HDAC9: variants seen among roughly 807,000 people sequenced by gnomAD.
HDAC9 encodes the protein histone deacetylase 9.
HDAC9 carries 41 observed loss-of-function variants against 139.4 expected under a neutral mutation model. That is an observed-to-expected ratio of 0.29 (90% CI 0.23 to 0.38). The LOEUF is 0.38. HDAC9 is among the 10% of genes least tolerant of loss of function. HDAC9 has a pLI of 1.00. For missense variants in HDAC9, 1,147 were observed against 1,297.0 expected, an observed-to-expected ratio of 0.88 and a Z score of 1.78; for synonymous variants, 517 against 476.2, an observed-to-expected ratio of 1.09 and a Z score of -1.12.
chr7:18,780,306 C>G (rs1159719551), intron 16 of HDAC9, among the ~76,000 whole-genome samples: 1 of 152,054 alleles, frequency 6.6e-6, no homozygotes, highest in African/African-American at 2.4e-5. Flanking sequence ...AAATTTAAAA[C>G]AGCTTTTTAC....
At chr7:18,109,057 G>T (rs73315703) in intron 1 of HDAC9, among the ~76,000 whole-genome samples, 3,496 of 152,268 alleles carry the variant, frequency 0.023, 143 homozygotes, top group African/African-American at 0.079. Context: ...GTACCATGGG[G>T]ATGGTTATTT....
chr7:18,438,736 G>C (rs1304663043), intron 1 of HDAC9, among the ~76,000 whole-genome samples: 1 of 151,570 alleles, frequency 6.6e-6, no homozygotes, highest in East Asian at 1.9e-4. Flanking sequence ...TCAGAAAAAG[G>C]GATCTGGAAA....
intron 2 of HDAC9, among the ~76,000 whole-genome samples, chr7:18,497,277 C>G (rs756179264): frequency 6.6e-6 from 1 of 152,116 alleles, no homozygotes; most frequent in Non-Finnish European, 1.5e-5. Flanking sequence ...TGGGCTTAAT[C>G]GTAATTATAG....
chr7:18,992,820 A>G (rs1786096818), intron 25 of HDAC9, among the ~76,000 whole-genome samples: 2 of 152,172 alleles, frequency 1.3e-5, no homozygotes, highest in East Asian at 3.8e-4. Context: ...TCACTGTGAC[A>G]TTGACTTGCT....
intron 1 of HDAC9, among the ~76,000 whole-genome samples, chr7:18,423,610 T>C (rs1361593691): frequency 6.6e-6 from 1 of 152,252 alleles, no homozygotes; most frequent in Non-Finnish European, 1.5e-5. Flanking sequence ...GTCTCTGCTC[T>C]CATGGCATTT....
rs190208405 is a variant in HDAC9 at position 18,496,089 on chromosome 7, A to G, written c.-42+66A>G. ...GGATGCCCATTTGAGCAGAAAGGAA[A>G]TCATTGTCGAAGTTGATCCTCTGCT... is the stretch of plus-strand genomic sequence containing the variant. On this transcript the variant is annotated intron_variant, in intron 1 of 25. Coordinates refer to ENST00000686413, the MANE Select transcript of HDAC9 (RefSeq NM_178425.4). 1.8e-5 allele frequency: 26 copies of G among 1,417,972 alleles called. No homozygotes were observed. In the Admixed American group the frequency reaches 4.4e-4, roughly 24 times the overall value. The allele number at this position is 1,417,972 out of a possible 1,614,324, so 87.8% of individuals were successfully genotyped here. A position where few individuals can be genotyped will look rare whatever the true frequency, so the allele number is the denominator to read the frequency against.
intron 1 of HDAC9, among the ~76,000 whole-genome samples, chr7:18,304,543 G>A (rs1239464351): frequency 6.6e-6 from 1 of 151,968 alleles, no homozygotes; most frequent in Non-Finnish European, 1.5e-5. Flanking sequence ...TATTTAGCAG[G>A]GGACACAGAT....
chr7:18,774,718 T>C (rs1790609014), intron 16 of HDAC9, among the ~76,000 whole-genome samples: 1 of 152,080 alleles, frequency 6.6e-6, no homozygotes, highest in South Asian at 2.1e-4. Flanking sequence ...TGATCTTCTG[T>C]CTAGACCACT....
chr7:18,512,873 A>G (rs1359385213), intron 2 of HDAC9, among the ~76,000 whole-genome samples: 1 of 152,238 alleles, frequency 6.6e-6, no homozygotes, highest in Admixed American at 6.5e-5. Context: ...AATGGAGAGA[A>G]GAAGCCTAGA....
At chr7:18,514,519 T>C (rs994204361) in intron 2 of HDAC9, among the ~76,000 whole-genome samples, 2 of 152,236 alleles carry the variant, frequency 1.3e-5, no homozygotes, top group Non-Finnish European at 2.9e-5. Context: ...ATAACAGAGA[T>C]GATTGTAAAA....
intron 2 of HDAC9, among the ~76,000 whole-genome samples, chr7:18,280,364 C>T (rs542421313): frequency 5.3e-5 from 8 of 152,130 alleles, no homozygotes; most frequent in Middle Eastern, 3.4e-3. Context: ...CCCAGGTGGG[C>T]GCATCATGAG....
rs182605111 is a variant in HDAC9 at position 18,894,596 on chromosome 7, G to A, written c.2803+20000G>A. On this transcript the variant is annotated intron_variant, in intron 22 of 25. Transcript: ENST00000686413. ...AATTGGAGGAGAGAAATTGTAGACT[G>A]CACATATAGACTGCTGCTCTTGAGG... Among the ~76,000 whole-genome samples, 25 of 152,232 alleles carry A rather than the reference G, an allele frequency of 1.6e-4. No homozygotes were observed. In the East Asian group the frequency reaches 3.5e-3, roughly 21 times the overall value.
At chr7:18,156,922 T>TA (rs978985713) in intron 1 of HDAC9, among the ~76,000 whole-genome samples, 3 of 151,994 alleles carry the variant, frequency 2.0e-5, no homozygotes, top group African/African-American at 7.2e-5. Context: ...ATTGTTTCTA[T>TA]AAAAAAAGTA....
At chr7:18,122,421 G>T (rs568327122) in intron 1 of HDAC9, among the ~76,000 whole-genome samples, 13 of 152,216 alleles carry the variant, frequency 8.5e-5, no homozygotes, top group African/African-American at 3.1e-4. Context: ...ATGTCTCTGG[G>T]ACCTAGATGA....
intron 12 of HDAC9, among the ~76,000 whole-genome samples, chr7:18,670,107 A>T (rs1161686974): frequency 6.6e-6 from 1 of 151,906 alleles, no homozygotes; most frequent in Non-Finnish European, 1.5e-5. Context: ...ACAATTTTGA[A>T]TCGCTGTAAT....
intron 1 of HDAC9, among the ~76,000 whole-genome samples, chr7:18,132,705 AT>A (rs1785094640): frequency 1.3e-5 from 2 of 152,276 alleles, no homozygotes; most frequent in Admixed American, 1.3e-4. Flanking sequence ...AATGGCCTGT[AT>A]TCATTAAAAG....
chr7:18,089,822 A>G (rs562171924), intron 1 of HDAC9, among the ~76,000 whole-genome samples: 4 of 152,302 alleles, frequency 2.6e-5, no homozygotes, highest in South Asian at 2.1e-4. Context: ...ATCCTTCTGT[A>G]TGTAGCATCT....
chr7:18,278,171 A>G lies in HDAC9; in HGVS notation c.25+115822A>G, dbSNP rs146080922. On this transcript the variant is annotated intron_variant, in intron 2 of 12. Coordinates refer to the HDAC9 transcript ENST00000417496. ...AATTTTCCGAGCATTTAGAAGCCAC[A>G]TATCACTCCTTTCAGTTGCAGGAAA... is the stretch of plus-strand genomic sequence containing the variant. Among the ~76,000 whole-genome samples the G allele has an allele frequency of 1.9e-3, 289 of 152,320 alleles. 1 individual carries two copies. The highest frequency in any genetic ancestry group is 6.4e-3 in the African/African-American group (268 of 41,576).
chr7:18,884,870 C>T (rs1160827775), intron 22 of HDAC9, among the ~76,000 whole-genome samples: 5 of 152,176 alleles, frequency 3.3e-5, no homozygotes, highest in Admixed American at 2.0e-4. Context: ...CACACCCACA[C>T]AACAAATCTC....
Sources: allele counts gnomAD v4.1 joint callset (sites outside exome capture counted in the v4.1 genomes callset), GRCh38; gene constraint gnomAD v4.1.1; transcripts MANE v1.5; gene names NCBI Gene and HGNC (gene_info 2026-07-23, HGNC 2026-07-21).